The following COL28A1 variants were observed in gnomAD, a reference collection of about 807,000 sequenced individuals.
The protein encoded by COL28A1 is collagen type XXVIII alpha 1 chain.
In COL28A1, 161 loss-of-function variants were observed where a neutral mutation model predicts 150.2. The ratio of observed to expected loss-of-function variants is 1.07; its 90% CI spans 0.94 to 1.22. The LOEUF is 1.22. Ranked by LOEUF, COL28A1 falls within the 50% of genes most tolerant of loss-of-function variation. The pLI, the probability that COL28A1 is intolerant of heterozygous loss-of-function variation, is 0.00. For synonymous variants in COL28A1, 552 were observed against 469.7 expected (o/e 1.18, Z -2.26); for missense variants, 1,617 against 1,388.3 (o/e 1.16, Z -2.62).
At chr7:7,507,015 A>C (rs1780845784) in intron 10 of COL28A1, 102 bp downstream of exon 10, 4 of 684,230 alleles carry the variant, frequency 5.8e-6, no homozygotes, top group Middle Eastern at 2.5e-4. Flanking sequence ...ATCCCCAGAC[A>C]TTCTGATTTA....
rs527259872 is a variant in COL28A1, at chr7:7,417,017, T to C, written c.2136+842A>G. On this transcript the variant is annotated intron_variant, in intron 27 of 34. Coordinates refer to ENST00000399429, the MANE Select transcript of COL28A1 (RefSeq NM_001037763.3). The stretch of plus-strand genomic sequence containing the variant: ...AAAAATATATATATATATAAATGTA[T>C]GTAAAATAAAAAACCAGCTTATGAC... Among the ~76,000 whole-genome samples the C allele has an allele frequency of 1.6e-3, 236 of 152,018 alleles. 2 individuals carry two copies. The highest frequency in any genetic ancestry group is 5.1e-3 in the African/African-American group (213 of 41,486).
At chr7:7,436,898 G>C (rs1486397135) in intron 22 of COL28A1, among the ~76,000 whole-genome samples, 1 of 152,120 alleles carries the variant, frequency 6.6e-6, no homozygotes, top group Non-Finnish European at 1.5e-5. Context: ...AAATTAGCCA[G>C]GCATGGTGGC....
intron 27 of COL28A1, among the ~76,000 whole-genome samples, chr7:7,417,140 A>T (rs34889595): frequency 0.096 from 14,677 of 152,158 alleles, 878 homozygotes; most frequent in Middle Eastern, 0.21. Flanking sequence ...AGAATTACAT[A>T]GTAATGTTTA....
At chr7:7,435,432 C>T (rs547709754) in intron 23 of COL28A1, among the ~76,000 whole-genome samples, 4 of 152,262 alleles carry the variant, frequency 2.6e-5, no homozygotes, top group South Asian at 2.1e-4. Flanking sequence ...ACGAACAATT[C>T]GTCCAAGTTT....
At chr7:7,432,801 T>C (rs1785072284) in intron 23 of COL28A1, 101 bp from the exon 24 acceptor site, 3 of 869,660 alleles carry the variant, frequency 3.4e-6, no homozygotes, top group Admixed American at 1.9e-5. Flanking sequence ...GGTCGATTTC[T>C]AACCCGGGAG....
intron 25 of COL28A1, among the ~76,000 whole-genome samples, chr7:7,427,510 A>C (rs1234012460): frequency 6.6e-6 from 1 of 152,152 alleles, no homozygotes; most frequent in Admixed American, 6.5e-5. Context: ...CACATTCCTA[A>C]TGCATCTCTG....
chr7:7,370,695 G>A (rs1463227312), intron 33 of COL28A1, 30 bp downstream of exon 33: 7 of 1,572,858 alleles, frequency 4.5e-6, no homozygotes, highest in Non-Finnish European at 5.2e-6. Flanking sequence ...ACCATTTTAA[G>A]CTCACAAAGT....
intron 30 of COL28A1, among the ~76,000 whole-genome samples, chr7:7,376,321 T>G (rs1781539735): frequency 6.6e-6 from 1 of 152,182 alleles, no homozygotes; most frequent in Middle Eastern, 3.2e-3. Flanking sequence ...GGTGCAAAAG[T>G]AAAATTTTTA....
At chr7:7,497,782 A>C (rs1414970615) in intron 11 of COL28A1, among the ~76,000 whole-genome samples, 2 of 152,180 alleles carry the variant, frequency 1.3e-5, no homozygotes, top group African/African-American at 4.8e-5. Flanking sequence ...CAGGTACATA[A>C]AGTCTACTTG....
At chr7:7,453,908 A>G (rs1330078273) in intron 16 of COL28A1, among the ~76,000 whole-genome samples, 4 of 152,154 alleles carry the variant, frequency 2.6e-5, no homozygotes, top group Non-Finnish European at 4.4e-5. Flanking sequence ...GCCATCCAGG[A>G]TCATGCAGAT....
At position 7,443,673 on chromosome 7, in the gene COL28A1, T is replaced by C; in HGVS notation, c.1582-20A>G. On this transcript the variant is annotated intron_variant, in intron 19 of 34. Transcript: ENST00000399429. ...TTCTCCCTAGAGAAAATGACACTGA[T>C]GTGTTAGCTGACCCTCCAGTAGACA... The C allele has an allele frequency of 2.5e-6, 4 of 1,613,878 alleles. No individual in the cohort carries two copies. Among genetic ancestry groups the C allele is most frequent in the Non-Finnish European group, 3.4e-6 (4 of 1,179,898 alleles).
intron 18 of COL28A1, among the ~76,000 whole-genome samples, chr7:7,451,778 A>G (rs572391196): frequency 6.6e-6 from 1 of 152,282 alleles, no homozygotes; most frequent in African/African-American, 2.4e-5. Context: ...AATGGCAGCT[A>G]TTATTACTAT....
At chr7:7,476,979 C>T (rs943841738) in intron 14 of COL28A1, 133 bp downstream of exon 14, 18 of 594,706 alleles carry the variant, frequency 3.0e-5, no homozygotes, top group Admixed American at 1.2e-4. Context: ...TTACATATTC[C>T]TTCATTAAAT....
chr7:7,436,370 C>A (rs778720561), intron 23 of COL28A1, 25 bp downstream of exon 23: 15 of 1,094,912 alleles, frequency 1.4e-5, no homozygotes, highest in Non-Finnish European at 2.0e-5. Context: ...TACAGAAAAA[C>A]AAAAAGAACA....
At chr7:7,432,426 T>C in intron 25 of COL28A1, 47 bp downstream of exon 25, 1 of 1,512,338 alleles carries the variant, frequency 6.6e-7, no homozygotes, top group Non-Finnish European at 9.2e-7. Context: ...CACCTACCTA[T>C]AGGTGCACTC....
downstream of COL28A1, among the ~76,000 whole-genome samples, chr7:7,353,385 G>A (rs1439031407): frequency 6.6e-6 from 1 of 152,112 alleles, no homozygotes; most frequent in Admixed American, 6.5e-5. Context: ...GATCTACTGG[G>A]CACTAATGAA....
intron 8 of COL28A1, 26 bp downstream of exon 8, chr7:7,515,788 C>A: frequency 1.1e-6 from 1 of 921,594 alleles, no homozygotes; most frequent in South Asian, 1.4e-5. Context: ...AAATTCTGGT[C>A]AATCTATTTG....
intron 25 of COL28A1, among the ~76,000 whole-genome samples, chr7:7,423,329 T>C (rs989823342): frequency 3.3e-5 from 5 of 152,200 alleles, no homozygotes; most frequent in Non-Finnish European, 7.3e-5. Flanking sequence ...TGTGCATGCT[T>C]AATTTTCATA....
chr7:7,387,473 G>A (rs1189123868), intron 27 of COL28A1, among the ~76,000 whole-genome samples: 2 of 152,004 alleles, frequency 1.3e-5, no homozygotes, highest in Non-Finnish European at 2.9e-5. Flanking sequence ...GTTTATTATT[G>A]TACTGTGTTA....
Sources: gnomAD v4.1 joint callset for allele counts (sites outside exome capture counted in the v4.1 genomes callset) on GRCh38, gnomAD v4.1.1 for gene constraint, MANE v1.5 for transcripts, NCBI Gene and HGNC (gene_info 2026-07-23, HGNC 2026-07-21) for gene names.